Variants in KCNAB2 observed in about 807,000 individuals in gnomAD.
KCNAB2 encodes the protein potassium voltage-gated channel subfamily A regulatory beta subunit 2.
In KCNAB2, 29 loss-of-function variants were observed where a neutral mutation model predicts 63.6. That is an observed-to-expected ratio of 0.46 (90% confidence interval 0.34 to 0.62). The LOEUF (loss-of-function observed/expected upper bound fraction) is 0.62, where lower values mean the gene tolerates loss of function less well. Ranked by LOEUF, KCNAB2 falls within the 20% of genes least tolerant of loss-of-function variation. The pLI, the probability that KCNAB2 is intolerant of heterozygous loss-of-function variation, is 0.01. For missense variants in KCNAB2, 359 were observed against 563.9 expected (o/e 0.64, Z 3.68); for synonymous variants, 222 against 224.2 (o/e 0.99, Z 0.09).
intron 8 of KCNAB2, 28 bp from the exon 9 acceptor site, chr1:6,090,361 G>C: frequency 1.3e-6 from 2 of 1,559,740 alleles, no homozygotes; most frequent in Non-Finnish European, 8.8e-7. Flanking sequence ...CCACAGCAGT[G>C]ACGCCCCCCC....
At chr1:6,033,673 G>C (rs1195586809), upstream of KCNAB2, among the ~76,000 whole-genome samples, 1 of 152,104 alleles carries the variant, frequency 6.6e-6, no homozygotes, top group Non-Finnish European at 1.5e-5. Flanking sequence ...GTAGTGAGTT[G>C]GTAGGAAGAA....
At position 6,073,024 on chromosome 1, in the gene KCNAB2, G is replaced by C. The variant is rs565364417; in HGVS notation, c.262+226G>C. On this transcript the variant is annotated intron_variant, in intron 3 of 15. Coordinates refer to ENST00000378083, the MANE Select transcript of KCNAB2 (RefSeq NM_001199862.2). This position sits in a 1 kb window ranked among gnomAD's most constrained non-coding sequence, Gnocchi z 5.7. The stretch of plus-strand genomic sequence containing the variant: ...GAGGGAGAGAGACACAGTCTCAGCA[G>C]AGGAGGTGAGGCGGATACTAGGGGC... Among the ~76,000 whole-genome samples, 40 of 152,226 alleles carry C rather than the reference G, an allele frequency of 2.6e-4. No homozygotes were observed. Among genetic ancestry groups the C allele is most frequent in the Admixed American group, 2.5e-3 (38 of 15,304 alleles).
chr1:6,049,178 C>A (rs1052060055), intron 1 of KCNAB2, among the ~76,000 whole-genome samples: 14 of 152,226 alleles, frequency 9.2e-5, no homozygotes, highest in African/African-American at 3.1e-4. Flanking sequence ...AGCTGCCTGG[C>A]ACTGCCAGGA....
rs1665548874 is a variant in KCNAB2, at chr1:6,095,524, C to T, written c.854-6C>T. The T allele has an allele frequency of 2.5e-6, 4 of 1,609,242 alleles. No homozygotes were observed. The highest frequency in any genetic ancestry group is 3.4e-6 in the Non-Finnish European group (4 of 1,177,800). On this transcript the variant is annotated splice_polypyrimidine_tract_variant and splice_region_variant and intron_variant, in intron 12 of 15. Coordinates refer to ENST00000378083, the MANE Select transcript of KCNAB2 (RefSeq NM_001199862.2). The stretch of plus-strand genomic sequence containing the variant: ...GGGCTTGACTCCACCTGCTTTTCCT[C>T]TTCAGGAGTGGGCGCCATGACCTGG...
chr1:6,050,492 G>T (rs968923924), intron 1 of KCNAB2, among the ~76,000 whole-genome samples: 5 of 152,216 alleles, frequency 3.3e-5, no homozygotes, highest in African/African-American at 1.2e-4. Flanking sequence ...ACTCACTGTT[G>T]TGCACATGAA....
In KCNAB2 at chr1:6,095,390, T is replaced by G; in HGVS notation, c.800T>G (p.Met267Arg). The change falls in exon 12 of 16, where the codon ATG becomes AGG. Residue 267 changes from methionine (M) to arginine (R), a missense_variant. This residue lies in a region of KCNAB2 where 271 missense variants were observed against 476.1 expected (regional missense o/e 0.57). Coordinates refer to ENST00000378083, the MANE Select transcript of KCNAB2 (RefSeq NM_001199862.2). ...ATCTGCGAGCAGGCTGAGTACCACA[T>G]GTTCCAGCGTGAGAAAGTGGAGGTG... ...PPICEQAEYH[M>R]FQREKVEVQL... is the part of the protein sequence containing the mutation. 1 of 1,613,074 alleles carries G rather than the reference T, an allele frequency of 6.2e-7. No individual in the cohort carries two copies. The highest frequency in any genetic ancestry group is 8.5e-7 in the Non-Finnish European group (1 of 1,180,028).
At position 6,089,157 on chromosome 1, in the gene KCNAB2, G is replaced by C; in HGVS notation, c.514+106G>C. On this transcript the variant is annotated intron_variant, in intron 8 of 15. Coordinates refer to ENST00000378083, the MANE Select transcript of KCNAB2 (RefSeq NM_001199862.2). ...CCGACCCCCCCAGTTAACCCACTGAGGGCCCAATCCCGGGGCACCCGGTGC... is the reference window on the plus strand; with the variant it reads ...CCGACCCCCCCAGTTAACCCACTGACGGCCCAATCCCGGGGCACCCGGTGC... The C allele has an allele frequency of 3.2e-6, 4 of 1,233,488 alleles. No individual in the cohort carries two copies. The South Asian group carries it at 5.2e-5, about 16-fold the overall frequency. 76.4% of individuals were successfully genotyped at this position (1,233,488 alleles called of 1,614,324 possible). A position where few individuals can be genotyped will look rare whatever the true frequency, so the allele number is the denominator to read the frequency against.
chr1:6,059,688 T>G (rs957677389), intron 2 of KCNAB2, among the ~76,000 whole-genome samples: 1 of 152,088 alleles, frequency 6.6e-6, no homozygotes, highest in Admixed American at 6.5e-5. Context: ...CGCTTGGGGC[T>G]GGAGAGTTGC....
intron 2 of KCNAB2, among the ~76,000 whole-genome samples, chr1:6,064,776 G>A (rs1169631831): frequency 6.6e-6 from 1 of 152,178 alleles, no homozygotes; most frequent in East Asian, 1.9e-4. Flanking sequence ...AGGACAAGAG[G>A]GGGCCCAGAA....
upstream of KCNAB2, among the ~76,000 whole-genome samples, chr1:6,043,900 C>T (rs142999574): frequency 1.5e-4 from 23 of 152,306 alleles, no homozygotes; most frequent in South Asian, 2.1e-3. Context: ...CCCGTGTCTG[C>T]GGGTTGACCA....
rs1199077965 is a variant in KCNAB2, at chr1:6,045,903, G to T, written c.-307G>T. On this transcript the variant is annotated 5_prime_UTR_variant, in exon 1 of 16. Transcript: ENST00000378083. This position sits in a 1 kb window ranked among gnomAD's most constrained non-coding sequence, Gnocchi z 4.8. ...ACGCACCGGGAGTCAGCCTTGCCAG[G>T]TTGCAGCACGGAACTGCACTTCCCG... 1.0e-6 allele frequency: 1 copy of T among 985,382 alleles called. No individual in the cohort carries two copies. The highest frequency in any genetic ancestry group is 1.2e-6 in the Non-Finnish European group (1 of 829,976). The allele number at this position is 985,382 out of a possible 1,614,324, so 61.0% of individuals were successfully genotyped here. A position where few individuals can be genotyped will look rare whatever the true frequency, so the allele number is the denominator to read the frequency against.
intron 2 of KCNAB2, among the ~76,000 whole-genome samples, chr1:6,068,011 A>G (rs1221095494): frequency 6.6e-6 from 1 of 152,248 alleles, no homozygotes; most frequent in African/African-American, 2.4e-5. Flanking sequence ...AGCCTGGGTG[A>G]CAGAATGAGA....
chr1:6,090,594 GAGGCCGGGTCCA>G (rs1314345974), intron 9 of KCNAB2, 119 bp downstream of exon 9: 9 of 729,922 alleles, frequency 1.2e-5, no homozygotes, highest in Non-Finnish European at 2.1e-5. Flanking sequence ...GCCGTGAGAG[GAGGCCGGGTCCA>G]GGGTGGGGGG....
chr1:6,080,891 A>G (rs34133852), intron 4 of KCNAB2, among the ~76,000 whole-genome samples: 13,049 of 152,120 alleles, frequency 0.086, 653 homozygotes, highest in Non-Finnish European at 0.096. Flanking sequence ...TTTCTGTCCT[A>G]TGGTTTTTGA....
At chr1:6,077,285 G>A (rs1281564451) in intron 4 of KCNAB2, among the ~76,000 whole-genome samples, 1 of 152,214 alleles carries the variant, frequency 6.6e-6, no homozygotes, top group African/African-American at 2.4e-5. Flanking sequence ...GTGGAGTAGA[G>A]CTGCAGTTTT....
intron 4 of KCNAB2, among the ~76,000 whole-genome samples, chr1:6,080,992 G>GGGAAGCAGCCCTGTCCGAGAGCC (rs1440292462): frequency 6.6e-6 from 1 of 152,226 alleles, no homozygotes; most frequent in East Asian, 1.9e-4. Flanking sequence ...GACACTCAGA[G>GGGAAGCAGCCCTGTCCGAGAGCC]GGAAGCAGCC....
At chr1:6,068,330 A>G (rs1439263929) in intron 2 of KCNAB2, among the ~76,000 whole-genome samples, 18 of 152,194 alleles carry the variant, frequency 1.2e-4, no homozygotes, top group Non-Finnish European at 1.5e-5. Flanking sequence ...AGGGCAGTGA[A>G]GGGGGGTGTT....
intron 2 of KCNAB2, among the ~76,000 whole-genome samples, chr1:6,056,015 A>T (rs1402579176): frequency 1.3e-5 from 2 of 152,008 alleles, no homozygotes; most frequent in African/African-American, 4.8e-5. Flanking sequence ...GCTGTAGCTG[A>T]TGGAGGTGGA....
rs1663060933 is a variant in KCNAB2 at position 6,069,975 on chromosome 1, G to T, written c.219-2780G>T. 6.6e-6 allele frequency among the ~76,000 whole-genome samples: 1 copy of T among 152,288 alleles called. No homozygotes were observed. The highest frequency in any genetic ancestry group is 2.1e-4 in the South Asian group (1 of 4,824). On this transcript the variant is annotated intron_variant, in intron 2 of 15. Coordinates refer to ENST00000378083, the MANE Select transcript of KCNAB2 (RefSeq NM_001199862.2). This position sits in a 1 kb window ranked among gnomAD's most constrained non-coding sequence, Gnocchi z 5.4. ...AACAGATATGGAATCAGGGGCAGGG[G>T]CACCTTTTGCCAGCCCTCCCCAAAC...
Sources: gnomAD v4.1 joint callset for allele counts (sites outside exome capture counted in the v4.1 genomes callset) on GRCh38, gnomAD v4.1.1 for gene constraint, gnomAD v4.1.1 regional missense constraint, Gnocchi (gnomAD v3.1) non-coding constraint, MANE v1.5 for transcripts, NCBI Gene and HGNC (gene_info 2026-07-23, HGNC 2026-07-21) for gene names.